Variants in PXDNL observed in about 807,000 individuals in gnomAD.
PXDNL encodes the protein peroxidasin like, also known as probable oxidoreductase PXDNL.
PXDNL carries 145 observed loss-of-function variants against 150.8 expected under a neutral mutation model. The ratio of observed to expected loss-of-function variants is 0.96; its 90% CI spans 0.84 to 1.10. PXDNL has a LOEUF of 1.10. Among genes scored for constraint, PXDNL ranks in the 50% least tolerant of loss-of-function variants. The pLI, the probability that PXDNL is intolerant of heterozygous loss-of-function variation, is 0.00. For synonymous variants in PXDNL, 757 were observed against 725.7 expected (o/e 1.04, Z -0.69); for missense variants, 2,087 against 1,873.9 (o/e 1.11, Z -2.10).
At chr8:51,759,009 CA>C (rs1295518940) in intron 1 of PXDNL, among the ~76,000 whole-genome samples, 1 of 152,142 alleles carries the variant, frequency 6.6e-6, no homozygotes, top group Non-Finnish European at 1.5e-5. Context: ...AAGAGCAAGA[CA>C]TGGGGAGAAG....
At chr8:51,666,614 T>TAA (rs1001225434) in intron 1 of PXDNL, among the ~76,000 whole-genome samples, 2 of 152,112 alleles carry the variant, frequency 1.3e-5, no homozygotes, top group African/African-American at 4.8e-5. Context: ...CCCAAAGTCT[T>TAA]AAAAAATGCT....
At chr8:51,450,712 C>T (rs570351553) in intron 10 of PXDNL, among the ~76,000 whole-genome samples, 62 of 152,218 alleles carry the variant, frequency 4.1e-4, no homozygotes, top group Non-Finnish European at 8.1e-4. Context: ...CTCAGGAATG[C>T]CTGCAAGCTA....
chr8:51,513,525 C>A (rs1485852212), intron 4 of PXDNL, among the ~76,000 whole-genome samples: 2 of 152,158 alleles, frequency 1.3e-5, no homozygotes, highest in African/African-American at 4.8e-5. Flanking sequence ...ATTACTACAA[C>A]AACAGAAACT....
intron 1 of PXDNL, among the ~76,000 whole-genome samples, chr8:51,747,599 G>A (rs1179222124): frequency 6.6e-6 from 1 of 152,178 alleles, no homozygotes; most frequent in East Asian, 1.9e-4. Context: ...TTTGAGCTGG[G>A]TTTTGGATAG....
chr8:51,529,532 C>T (rs1352291810), intron 4 of PXDNL, among the ~76,000 whole-genome samples: 3 of 152,196 alleles, frequency 2.0e-5, no homozygotes, highest in African/African-American at 7.2e-5. Flanking sequence ...TCTTACCTCT[C>T]GATCTCCAGA....
chr8:51,735,536 T>TG (rs1382207114), intron 1 of PXDNL, among the ~76,000 whole-genome samples: 24,224 of 114,918 alleles, frequency 0.21, 3,515 homozygotes, highest in African/African-American at 0.32. Flanking sequence ...GTTTTTTTTT[T>TG]TTTTTTTTTT....
intron 1 of PXDNL, among the ~76,000 whole-genome samples, chr8:51,678,978 C>G (rs1341353762): frequency 6.6e-6 from 1 of 152,182 alleles, no homozygotes; most frequent in African/African-American, 2.4e-5. Context: ...GTTCTAAGTT[C>G]TGGAGAAATG....
At chr8:51,774,031 A>C (rs2037326547) in intron 1 of PXDNL, among the ~76,000 whole-genome samples, 1 of 152,252 alleles carries the variant, frequency 6.6e-6, no homozygotes, top group South Asian at 2.1e-4. Flanking sequence ...ATGAGCATTA[A>C]ATACTAATTG....
At chr8:51,424,751 A>G (rs138986586) in intron 13 of PXDNL, among the ~76,000 whole-genome samples, 1 of 152,294 alleles carries the variant, frequency 6.6e-6, no homozygotes, top group East Asian at 1.9e-4. Context: ...GAAACAGAGG[A>G]TGGGAGATAT....
At chr8:51,612,951 T>C (rs1364156964) in intron 2 of PXDNL, among the ~76,000 whole-genome samples, 1 of 152,222 alleles carries the variant, frequency 6.6e-6, no homozygotes, top group Non-Finnish European at 1.5e-5. Context: ...ATCTTCAGAA[T>C]GCCCAATCTG....
intron 1 of PXDNL, among the ~76,000 whole-genome samples, chr8:51,736,413 T>G (rs1217590119): frequency 6.6e-6 from 1 of 152,320 alleles, no homozygotes; most frequent in East Asian, 1.9e-4. Context: ...TAAAGCCACT[T>G]GCTAGGCAGG....
intron 7 of PXDNL, among the ~76,000 whole-genome samples, chr8:51,473,678 G>A (rs944076501): frequency 3.3e-5 from 5 of 150,946 alleles, no homozygotes; most frequent in African/African-American, 4.9e-5. Flanking sequence ...CACCAACATG[G>A]CACATGTATA....
rs567209959 is a variant in PXDNL at position 51,394,861 on chromosome 8, G to A, written c.3557+13206C>T. Among the ~76,000 whole-genome samples, 3 of 152,238 alleles carry A rather than the reference G, an allele frequency of 2.0e-5. No individual in the cohort carries two copies. In the South Asian group the frequency reaches 6.2e-4, roughly 32 times the overall value. On this transcript the variant is annotated intron_variant, in intron 17 of 22. Coordinates refer to ENST00000356297, the MANE Select transcript of PXDNL (RefSeq NM_144651.5). ...CTGCTCTGCCCAGGATCCAACAAAG[G>A]CACTTGATTGTGGAATACAAGGTGT...
intron 2 of PXDNL, among the ~76,000 whole-genome samples, chr8:51,644,855 A>C (rs187474172): frequency 6.6e-6 from 1 of 152,196 alleles, no homozygotes; most frequent in East Asian, 1.9e-4. Context: ...CCCCAGGCTG[A>C]TTGTAGACGG....
intron 1 of PXDNL, among the ~76,000 whole-genome samples, chr8:51,755,296 TTG>T (rs1384676236): frequency 2.3e-5 from 2 of 85,274 alleles, no homozygotes; most frequent in African/African-American, 8.0e-5. Flanking sequence ...ATAGAATGTT[TTG>T]TTTTTTTTTT....
At chr8:51,532,912 A>G (rs1336970289) in intron 4 of PXDNL, among the ~76,000 whole-genome samples, 1 of 152,130 alleles carries the variant, frequency 6.6e-6, no homozygotes. Flanking sequence ...AAATAAATGA[A>G]CCGCTTTTTT....
chr8:51,448,288 C>G (rs1310624879), intron 11 of PXDNL, among the ~76,000 whole-genome samples: 3 of 152,198 alleles, frequency 2.0e-5, no homozygotes, highest in Admixed American at 1.3e-4. Flanking sequence ...GGCCCACGCC[C>G]CACCACCCAC....
chr8:51,669,274 G>A (rs1028701591), intron 1 of PXDNL, among the ~76,000 whole-genome samples: 1 of 152,158 alleles, frequency 6.6e-6, no homozygotes, highest in Non-Finnish European at 1.5e-5. Context: ...TAAGTCTTCT[G>A]ACTTTGATTA....
intron 6 of PXDNL, among the ~76,000 whole-genome samples, chr8:51,481,415 T>C (rs1344844969): frequency 2.0e-5 from 3 of 152,180 alleles, no homozygotes; most frequent in Admixed American, 6.5e-5. Context: ...GGCATAAAAA[T>C]TTTGGAAATT....
Sources: gnomAD v4.1 joint callset for allele counts (sites outside exome capture counted in the v4.1 genomes callset) on GRCh38, gnomAD v4.1.1 for gene constraint, MANE v1.5 for transcripts, NCBI Gene and HGNC (gene_info 2026-07-23, HGNC 2026-07-21) for gene names.